TACR3: variants seen among roughly 807,000 people sequenced by gnomAD.
The protein encoded by TACR3 is neuromedin-K receptor.
A neutral mutation model predicts 35.0 loss-of-function variants in TACR3; 34 were observed. The ratio of observed to expected loss-of-function variants is 0.97; its 90% CI spans 0.74 to 1.30. The LOEUF is 1.30. Among genes scored for constraint, TACR3 ranks in the 50% most tolerant of loss-of-function variants. The pLI is 0.00. For synonymous variants in TACR3, 233 were observed against 221.1 expected, an observed-to-expected ratio of 1.05 and a Z score of -0.48; for missense variants, 558 against 591.7, an observed-to-expected ratio of 0.94 and a Z score of 0.59.
At chr4:103,707,297 C>CACCT (rs139778688) in intron 1 of TACR3, among the ~76,000 whole-genome samples, 14,510 of 152,156 alleles carry the variant, frequency 0.095, 770 homozygotes, top group South Asian at 0.2. Context: ...TCAAGAGACT[C>CACCT]AGAGACATAT....
At position 103,657,583 on chromosome 4, in the gene TACR3, T is replaced by A. The variant is rs189841849; in HGVS notation, c.737+632A>T. ...GAGTAAAATAGAAAAATAAGTACAT[T>A]ATTAAAATAAAATTTAAGATTATAA... On this transcript the variant is annotated intron_variant, in intron 2 of 4. Transcript: ENST00000304883. 3.1e-3 allele frequency among the ~76,000 whole-genome samples: 474 copies of A among 152,146 alleles called. 1 individual carries two copies. The highest frequency in any genetic ancestry group is 5.0e-3 in the Non-Finnish European group (341 of 67,982).
At chr4:103,638,351 A>G (rs1165732070) in intron 3 of TACR3, among the ~76,000 whole-genome samples, 3 of 151,988 alleles carry the variant, frequency 2.0e-5, no homozygotes, top group South Asian at 2.1e-4. Context: ...AGGATTCCCT[A>G]TTTAATCAAT....
At chr4:103,665,838 A>G (rs1179264236) in intron 1 of TACR3, among the ~76,000 whole-genome samples, 3 of 152,182 alleles carry the variant, frequency 2.0e-5, no homozygotes, top group Non-Finnish European at 4.4e-5. Context: ...AAATCAGTAA[A>G]AAATATACGT....
intron 3 of TACR3, among the ~76,000 whole-genome samples, chr4:103,611,345 G>A (rs533730041): frequency 7.9e-5 from 12 of 152,146 alleles, no homozygotes; most frequent in Non-Finnish European, 1.3e-4. Context: ...CATCTCCTCG[G>A]TTAAGTTTAG....
chr4:103,650,484 T>C (rs1290833914), intron 3 of TACR3, among the ~76,000 whole-genome samples: 1 of 135,634 alleles, frequency 7.4e-6, no homozygotes, highest in Admixed American at 8.9e-5. Flanking sequence ...TATTTATATA[T>C]AAATATGTAT....
At chr4:103,683,820 G>A (rs1308578817) in intron 1 of TACR3, among the ~76,000 whole-genome samples, 1 of 146,540 alleles carries the variant, frequency 6.8e-6, no homozygotes, top group African/African-American at 2.7e-5. Flanking sequence ...TGGGGGAGGA[G>A]AGATGGGAGA....
At chr4:103,714,272 GT>G in intron 1 of TACR3, among the ~76,000 whole-genome samples, 1 of 152,036 alleles carries the variant, frequency 6.6e-6, no homozygotes, top group African/African-American at 2.4e-5. Context: ...ATCAGCCGGA[GT>G]TCAGCTAGTT....
chr4:103,629,845 C>CAAAAAAAAAAAAAAAAAAAAAAAAA (rs1487546451), intron 3 of TACR3, among the ~76,000 whole-genome samples: 1 of 59,552 alleles, frequency 1.7e-5, no homozygotes, highest in African/African-American at 8.4e-5. Flanking sequence ...CAATCCTAAG[C>CAAAAAAAAAAAAAAAAAAAAAAAAA]AAAACAAAAA....
chr4:103,646,051 TC>T (rs1725449488), intron 3 of TACR3, among the ~76,000 whole-genome samples: 1 of 151,986 alleles, frequency 6.6e-6, no homozygotes, highest in Non-Finnish European at 1.5e-5. Flanking sequence ...TAATAGTCTG[TC>T]TGTATCTACA....
At chr4:103,633,449 G>T (rs1237968470) in intron 3 of TACR3, among the ~76,000 whole-genome samples, 1 of 151,820 alleles carries the variant, frequency 6.6e-6, no homozygotes, top group Non-Finnish European at 1.5e-5. Context: ...TTGGGGTACA[G>T]GTGGTATTTG....
At chr4:103,675,992 A>C (rs1726161802) in intron 1 of TACR3, among the ~76,000 whole-genome samples, 1 of 152,214 alleles carries the variant, frequency 6.6e-6, no homozygotes, top group Non-Finnish European at 1.5e-5. Context: ...ACTCAGATAC[A>C]GAATAATCAC....
At chr4:103,692,254 G>A (rs1722420811) in intron 1 of TACR3, among the ~76,000 whole-genome samples, 1 of 152,042 alleles carries the variant, frequency 6.6e-6, no homozygotes, top group African/African-American at 2.4e-5. Context: ...ACACTAATCA[G>A]AAGAAAAGAT....
intron 3 of TACR3, among the ~76,000 whole-genome samples, chr4:103,616,108 C>T (rs997465027): frequency 2.0e-5 from 3 of 152,064 alleles, no homozygotes; most frequent in Admixed American, 2.0e-4. Flanking sequence ...ATGACCTGTG[C>T]TAGAGGAAAC....
Position 103,589,518 on chromosome 4 carries a change from CTT to C in TACR3, c.*162_*163del. The C allele has an allele frequency of 1.4e-6, 1 of 690,376 alleles. No homozygotes were observed. The highest frequency in any genetic ancestry group is 1.9e-5 in the South Asian group (1 of 51,458). The allele number at this position is 690,376 out of a possible 1,614,324, so 42.8% of individuals were successfully genotyped here. A position where few individuals can be genotyped will look rare whatever the true frequency, so the allele number is the denominator to read the frequency against. Reference sequence around the variant, plus strand: ...GTGGAGGCTAACATGTTATTAGTGTCTTTGTCACATTTATACACTACCTTTCT... The same window carrying C: ...GTGGAGGCTAACATGTTATTAGTGTCTGTCACATTTATACACTACCTTTCT... On this transcript the variant is annotated 3_prime_UTR_variant, in exon 5 of 5. Transcript: ENST00000304883.
chr4:103,694,852 A>C (rs1268914257), intron 1 of TACR3, among the ~76,000 whole-genome samples: 1 of 152,182 alleles, frequency 6.6e-6, no homozygotes, highest in East Asian at 1.9e-4. Context: ...AAAGGGATCA[A>C]TTCACAGGAA....
At position 103,691,426 on chromosome 4, in the gene TACR3, G is replaced by T. The variant is rs187461145; in HGVS notation, c.548+27702C>A. On this transcript the variant is annotated intron_variant, in intron 1 of 4. Transcript: ENST00000304883. ...GCCTGCAGTGGTAGCAGGTAGATCA[G>T]TTATTCCCAGGTTTTAGGTCAGGAA... Among the ~76,000 whole-genome samples the T allele has an allele frequency of 4.6e-5, 7 of 152,306 alleles. No homozygotes were observed. In the East Asian group the frequency reaches 1.3e-3, roughly 29 times the overall value.
intron 1 of TACR3, among the ~76,000 whole-genome samples, chr4:103,708,428 G>A (rs12642911): frequency 0.12 from 17,753 of 152,200 alleles, 1,361 homozygotes; most frequent in East Asian, 0.37. Context: ...AACACCAACA[G>A]ACCTGCAGCT....
chr4:103,681,445 A>G (rs1722083782), intron 1 of TACR3, among the ~76,000 whole-genome samples: 1 of 152,130 alleles, frequency 6.6e-6, no homozygotes, highest in Non-Finnish European at 1.5e-5. Context: ...GACCTTATAT[A>G]ACGGCATAGG....
intron 1 of TACR3, among the ~76,000 whole-genome samples, chr4:103,672,892 G>T (rs546238107): frequency 2.0e-4 from 30 of 152,228 alleles, no homozygotes; most frequent in African/African-American, 7.2e-4. Context: ...ATCTTAACTA[G>T]GTCCTTTAGA....
Sources: allele counts gnomAD v4.1 joint callset (sites outside exome capture counted in the v4.1 genomes callset), GRCh38; gene constraint gnomAD v4.1.1; transcripts MANE v1.5; gene names NCBI Gene and HGNC (gene_info 2026-07-23, HGNC 2026-07-21).